Variants in LPP observed in about 807,000 individuals in gnomAD.
LPP encodes lipoma-preferred partner.
LPP carries 38 observed loss-of-function variants against 60.4 expected under a neutral mutation model. That is an observed-to-expected ratio of 0.63 (90% CI 0.49 to 0.83). LPP has a LOEUF of 0.83. LPP is among the 40% of genes least tolerant of loss of function. LPP has a pLI of 0.00. For missense variants in LPP, 902 were observed against 783.6 expected (o/e 1.15, Z -1.80); for synonymous variants, 328 against 290.8 (o/e 1.13, Z -1.30).
intron 3 of LPP, among the ~76,000 whole-genome samples, chr3:188,346,237 C>T (rs1258605317): frequency 2.1e-5 from 3 of 145,578 alleles, no homozygotes; most frequent in Non-Finnish European, 4.5e-5. Context: ...AGGGACCTGC[C>T]TAAAGTAGCA....
chr3:188,734,911 T>C (rs1468484450), intron 8 of LPP, among the ~76,000 whole-genome samples: 1 of 152,192 alleles, frequency 6.6e-6, no homozygotes, highest in East Asian at 1.9e-4. Flanking sequence ...AGACACTCGG[T>C]GTCACCCCAT....
chr3:188,657,280 A>ATATATATATATATATATATG (rs1853493191), intron 7 of LPP, among the ~76,000 whole-genome samples: 1 of 144,304 alleles, frequency 6.9e-6, no homozygotes, highest in Non-Finnish European at 1.5e-5. Flanking sequence ...ATATATATAT[A>ATATATATATATATATATATG]TTTCCAAAAG....
rs1048896837 is a variant in LPP at position 188,889,546 on chromosome 3, C to T, written c.*15067C>T. The stretch of plus-strand genomic sequence containing the variant: ...CAAGATACCTCCACTTAACCTTTAT[C>T]CAAGGAAGCTCTTGGTGTCCTCTTG... On this transcript the variant is annotated 3_prime_UTR_variant, in exon 12 of 12. Coordinates refer to ENST00000617246, the MANE Select transcript of LPP (RefSeq NM_001375462.1). The T allele has an allele frequency of 1.3e-5, 3 of 229,326 alleles. No individual in the cohort carries two copies. Among genetic ancestry groups the T allele is most frequent in the Admixed American group, 5.7e-5 (1 of 17,692 alleles). 14.2% of individuals were successfully genotyped at this position (229,326 alleles called of 1,614,324 possible). A position where few individuals can be genotyped will look rare whatever the true frequency, so the allele number is the denominator to read the frequency against.
At chr3:188,534,366 T>C (rs1367410534) in intron 6 of LPP, among the ~76,000 whole-genome samples, 2 of 152,276 alleles carry the variant, frequency 1.3e-5, no homozygotes, top group Non-Finnish European at 2.9e-5. Flanking sequence ...AGCTGCCTGT[T>C]GAGTTTCTCT....
At chr3:188,345,511 A>G (rs1764099971) in intron 3 of LPP, among the ~76,000 whole-genome samples, 1 of 152,172 alleles carries the variant, frequency 6.6e-6, no homozygotes, top group Non-Finnish European at 1.5e-5. Flanking sequence ...ATTAAAAAAA[A>G]GAAGACAGAT....
At chr3:188,371,641 A>ATATATATATTTTT (rs1553878071) in intron 3 of LPP, among the ~76,000 whole-genome samples, 6 of 32,172 alleles carry the variant, frequency 1.9e-4, no homozygotes, top group African/African-American at 2.5e-4. Context: ...ATATATATAT[A>ATATATATATTTTT]TTTTTTTTTT....
At chr3:188,620,787 T>C (rs1306918032) in intron 7 of LPP, among the ~76,000 whole-genome samples, 5 of 152,216 alleles carry the variant, frequency 3.3e-5, no homozygotes, top group Non-Finnish European at 7.3e-5. Flanking sequence ...GATCTCATTT[T>C]CTCTGCAACC....
chr3:188,672,992 G>A (rs766634035), intron 7 of LPP, among the ~76,000 whole-genome samples: 79 of 148,182 alleles, frequency 5.3e-4, no homozygotes, highest in Non-Finnish European at 8.3e-4. Context: ...TTCAGCACTC[G>A]TGTACTGAGA....
chr3:188,534,634 A>G (rs1823081094), intron 6 of LPP, among the ~76,000 whole-genome samples: 1 of 152,242 alleles, frequency 6.6e-6, no homozygotes, highest in Non-Finnish European at 1.5e-5. Context: ...AGATGACTAG[A>G]TATAACCACA....
At position 188,883,567 on chromosome 3, in the gene LPP, TA is replaced by T. The variant is rs1408677087; in HGVS notation, c.*9096del. 10 of 179,084 alleles carry T rather than the reference TA, an allele frequency of 5.6e-5. No individual in the cohort carries two copies. The South Asian group carries it at 6.0e-4, about 11-fold the overall frequency. The allele number at this position is 179,084 out of a possible 1,614,324, so 11.1% of individuals were successfully genotyped here. On this transcript the variant is annotated 3_prime_UTR_variant, in exon 12 of 12. Transcript: ENST00000617246. ...CAACATGGTGAAACCCCGACTCTAC[TA>T]AAAAAAATACAAAAATTAGCCGGGC...
chr3:188,321,749 C>T (rs1578094284), intron 2 of LPP, among the ~76,000 whole-genome samples: 1 of 152,128 alleles, frequency 6.6e-6, no homozygotes, highest in African/African-American at 2.4e-5. Context: ...TTCTACCATC[C>T]TTTTTCCCCC....
intron 1 of LPP, among the ~76,000 whole-genome samples, chr3:188,188,754 A>T (rs1727308092): frequency 6.6e-6 from 1 of 152,200 alleles, no homozygotes; most frequent in African/African-American, 2.4e-5. Flanking sequence ...TGATGTATTG[A>T]AGATGCTGCA....
chr3:188,602,544 A>G (rs1178196808), intron 6 of LPP, among the ~76,000 whole-genome samples: 1 of 152,136 alleles, frequency 6.6e-6, no homozygotes, highest in East Asian at 1.9e-4. Flanking sequence ...TGAATCCCTA[A>G]TAATGAGACC....
At chr3:188,676,210 A>T (rs1193166657) in intron 7 of LPP, among the ~76,000 whole-genome samples, 3 of 152,222 alleles carry the variant, frequency 2.0e-5, no homozygotes, top group Non-Finnish European at 4.4e-5. Flanking sequence ...AATAATCTAG[A>T]CAAAATCCTG....
intron 6 of LPP, among the ~76,000 whole-genome samples, chr3:188,547,520 C>A (rs941128818): frequency 2.0e-5 from 3 of 152,196 alleles, no homozygotes; most frequent in Non-Finnish European, 4.4e-5. Flanking sequence ...CTGTCTCTAA[C>A]AGGATCATGT....
rs118107401 is a variant in LPP at position 188,470,910 on chromosome 3, C to G, written c.194-13682C>G. On this transcript the variant is annotated intron_variant, in intron 4 of 11. Transcript: ENST00000617246. ...AAGGATACATACTCACCAGTACATT[C>G]CAGAGTTTGTTGACAAACTTTGACA... Among the ~76,000 whole-genome samples the G allele has an allele frequency of 1.1e-4, 17 of 152,258 alleles. No individual in the cohort carries two copies. In the East Asian group the frequency reaches 3.3e-3, roughly 29 times the overall value.
intron 9 of LPP, among the ~76,000 whole-genome samples, chr3:188,818,278 A>G (rs1753023071): frequency 6.6e-6 from 1 of 152,190 alleles, no homozygotes. Context: ...GTGAATAATA[A>G]CATATAATAG....
At position 188,876,280 on chromosome 3, in the gene LPP, ACTAGAAATT is replaced by A. The variant is rs1291311894; in HGVS notation, c.*1804_*1812del. 1 of 188,784 alleles carries A rather than the reference ACTAGAAATT, an allele frequency of 5.3e-6. No homozygotes were observed. The highest frequency in any genetic ancestry group is 8.5e-5 in the East Asian group (1 of 11,698). The allele number at this position is 188,784 out of a possible 1,614,324, so 11.7% of individuals were successfully genotyped here. A position where few individuals can be genotyped will look rare whatever the true frequency, so the allele number is the denominator to read the frequency against. On this transcript the variant is annotated 3_prime_UTR_variant, in exon 12 of 12. Coordinates refer to ENST00000617246, the MANE Select transcript of LPP (RefSeq NM_001375462.1). ...TCATAAAAGTGATTCTTTTTTTGTG[ACTAGAAATT>A]CTTAAGCCGATGGTCACTATAGCTC...
At chr3:188,180,977 G>A (rs1025193220) in intron 1 of LPP, among the ~76,000 whole-genome samples, 3 of 151,988 alleles carry the variant, frequency 2.0e-5, no homozygotes, top group Non-Finnish European at 4.4e-5. Context: ...GAAATGCCTT[G>A]CACAAAGGAC....
Sources: gnomAD v4.1 joint callset for allele counts (sites outside exome capture counted in the v4.1 genomes callset) on GRCh38, gnomAD v4.1.1 for gene constraint, MANE v1.5 for transcripts, NCBI Gene and HGNC (gene_info 2026-07-23, HGNC 2026-07-21) for gene names.